Variants in CMC2 observed in about 807,000 individuals in gnomAD.
The protein encoded by CMC2 is C-X9-C motif containing 2.
A neutral mutation model predicts 7.5 loss-of-function variants in CMC2; 5 were observed. The observed-to-expected ratio is 0.66, with a 90% CI of 0.35 to 1.40. The LOEUF is 1.40. Among genes scored for constraint, CMC2 ranks in the 40% most tolerant of loss-of-function variants. CMC2 has a pLI of 0.04. For missense variants in CMC2, 115 were observed against 92.3 expected (o/e 1.25, Z -1.01); for synonymous variants, 37 against 31.4 (o/e 1.18, Z -0.60).
At chr16:80,976,616 G>A (rs983238245) in intron 3 of CMC2, among the ~76,000 whole-genome samples, 3 of 152,156 alleles carry the variant, frequency 2.0e-5, no homozygotes, top group African/African-American at 7.2e-5. Flanking sequence ...TAACTGTTGG[G>A]ACAATTCTAC....
intron 3 of CMC2, 28 bp from the exon 4 acceptor site, chr16:80,976,207 A>G: frequency 8.4e-7 from 1 of 1,192,242 alleles, no homozygotes; most frequent in Non-Finnish European, 1.2e-6. Flanking sequence ...GGGGGGAGAA[A>G]AGAAACAGCA....
In CMC2 at chr16:80,967,239, C is replaced by T. The variant is rs1406586781; in HGVS notation, c.*8854G>A. ...GCTCATAAATTATCTGCTAGCTTAA[C>T]TAAAATTTTAGCAGATAAAGCCATC... On this transcript the variant is annotated 3_prime_UTR_variant, in exon 4 of 4. Coordinates refer to ENST00000219400, the MANE Select transcript of CMC2 (RefSeq NM_020188.5). 4 of 152,224 alleles carry T rather than the reference C, an allele frequency of 2.6e-5. No homozygotes were observed. Among genetic ancestry groups the T allele is most frequent in the Non-Finnish European group, 5.9e-5 (4 of 68,044 alleles). 9.4% of individuals were successfully genotyped at this position (152,224 alleles called of 1,614,324 possible).
At position 80,967,282 on chromosome 16, in the gene CMC2, C is replaced by T. The variant is rs1191433881; in HGVS notation, c.*8811G>A. 1.3e-5 allele frequency: 2 copies of T among 152,222 alleles called. No individual in the cohort carries two copies. Among genetic ancestry groups the T allele is most frequent in the Non-Finnish European group, 2.9e-5 (2 of 68,046 alleles). 9.4% of individuals were successfully genotyped at this position (152,222 alleles called of 1,614,324 possible). A position where few individuals can be genotyped will look rare whatever the true frequency, so the allele number is the denominator to read the frequency against. ...AAGCCATCACAGCAACTTGAACTATCCCTAGAGAATTTTCCTTTAATTGTA... is the reference window on the plus strand; with the variant it reads ...AAGCCATCACAGCAACTTGAACTATTCCTAGAGAATTTTCCTTTAATTGTA... On this transcript the variant is annotated 3_prime_UTR_variant, in exon 4 of 4. Coordinates refer to ENST00000219400, the MANE Select transcript of CMC2 (RefSeq NM_020188.5).
rs370096810 is a variant in CMC2 at position 80,976,197 on chromosome 16, G to C, written c.154-18C>G. 112 of 1,412,984 alleles carry C rather than the reference G, an allele frequency of 7.9e-5. No individual in the cohort carries two copies. Among genetic ancestry groups the C allele is most frequent in the South Asian group, 5.4e-4 (45 of 82,938 alleles). 87.5% of individuals were successfully genotyped at this position (1,412,984 alleles called of 1,614,324 possible). On this transcript the variant is annotated intron_variant, in intron 3 of 3. Transcript: ENST00000219400. The stretch of plus-strand genomic sequence containing the variant: ...TCTACGTACTGAAAAATAAAAGAAG[G>C]GGGGGAGAAAAGAAACAGCAGATTA...
At chr16:80,998,143 G>A (rs1266667137) in intron 1 of CMC2, 1 of 135,400 alleles carries the variant, frequency 7.4e-6, no homozygotes, top group Non-Finnish European at 1.5e-5. Flanking sequence ...GTCTTGCTAT[G>A]TTGCCCAGGC....
At chr16:80,995,734 A>C (rs1968365000) in intron 2 of CMC2, among the ~76,000 whole-genome samples, 1 of 152,118 alleles carries the variant, frequency 6.6e-6, no homozygotes. Flanking sequence ...TATCAACAAA[A>C]AGTAGTGCAG....
At chr16:80,992,014 T>C (rs1968035343) in intron 2 of CMC2, 4 of 442,930 alleles carry the variant, frequency 9.0e-6, no homozygotes, top group East Asian at 1.4e-4. Context: ...TGAGTAAGCA[T>C]GGACTTTAAA....
chr16:80,976,158 T>A lies in CMC2; in HGVS notation c.175A>T (p.Ser59Cys). ...CGCATTGCAATGCCATGCTCCCTGC[T>A]CTTGGTCCTGTTTTCTACGTACTGA... Reference protein sequence around the residue: ...KNEYVENRTKSREHGIAMRKK... With the variant: ...KNEYVENRTKCREHGIAMRKK... Residue 59 changes from serine (S) to cysteine (C), a missense_variant, in exon 4 of 4, where the codon AGC (serine) becomes TGC (cysteine). Ser to Cys is a moderately radical substitution (Grantham distance 112). Transcript: ENST00000219400. The A allele has an allele frequency of 1.2e-6, 2 of 1,604,788 alleles. No individual in the cohort carries two copies. The highest frequency in any genetic ancestry group is 3.4e-5 in the Admixed American group (2 of 59,382).
intron 2 of CMC2, chr16:80,982,518 A>G (rs1251866496): frequency 2.0e-5 from 3 of 149,008 alleles, no homozygotes; most frequent in African/African-American, 7.4e-5. Context: ...TCTCAGGAAA[A>G]AAAAAAAAAA....
chr16:80,988,733 G>T (rs1351841054), intron 2 of CMC2: 1 of 527,458 alleles, frequency 1.9e-6, no homozygotes, highest in Non-Finnish European at 3.3e-6. Flanking sequence ...CATGCAAAAG[G>T]CAAAAAAAGT....
At position 80,980,779 on chromosome 16, in the gene CMC2, T is replaced by C. The variant is rs3177094; in HGVS notation, c.153+1027A>G. 44 of 696,238 alleles carry C rather than the reference T, an allele frequency of 6.3e-5. No individual in the cohort carries two copies. In the African/African-American group the frequency reaches 7.2e-4, roughly 11 times the overall value. The allele number at this position is 696,238 out of a possible 1,614,324, so 43.1% of individuals were successfully genotyped here. A position where few individuals can be genotyped will look rare whatever the true frequency, so the allele number is the denominator to read the frequency against. The stretch of plus-strand genomic sequence containing the variant: ...GCATGGTGGTACGCACCTGTCGTCC[T>C]AGCTACTCAGGAGGCTGAGGTGGGA... On this transcript the variant is annotated intron_variant, in intron 3 of 3. Transcript: ENST00000219400.
chr16:80,988,088 G>T (rs551445399), intron 2 of CMC2, among the ~76,000 whole-genome samples: 20 of 152,234 alleles, frequency 1.3e-4, no homozygotes, highest in African/African-American at 4.6e-4. Context: ...GGAGGATGAG[G>T]CAGAAGGATC....
chr16:80,988,004 G>A (rs367817407), intron 2 of CMC2, among the ~76,000 whole-genome samples: 1 of 151,114 alleles, frequency 6.6e-6, no homozygotes, highest in Non-Finnish European at 1.5e-5. Flanking sequence ...AGGAGAGCCT[G>A]TCTCTAGGAG....
At chr16:81,004,328 C>T (rs1051098379) in intron 1 of CMC2, among the ~76,000 whole-genome samples, 3 of 152,176 alleles carry the variant, frequency 2.0e-5, no homozygotes, top group African/African-American at 7.2e-5. Context: ...GGATAAATTC[C>T]ATTCAAACTG....
In CMC2 at chr16:80,994,056, AATTGATTTTTGAC is replaced by A. The variant is rs545558202; in HGVS notation, c.81+3245_81+3257del. On this transcript the variant is annotated intron_variant, in intron 2 of 3. Coordinates refer to ENST00000219400, the MANE Select transcript of CMC2 (RefSeq NM_020188.5). Reference sequence around the variant, plus strand: ...GAAATAGACCCACTCACATATGGTAAATTGATTTTTGACAAAGGGACCATGGTAAATCAGCAGG... The same window carrying A: ...GAAATAGACCCACTCACATATGGTAAAAAGGGACCATGGTAAATCAGCAGG... Among the ~76,000 whole-genome samples the A allele has an allele frequency of 2.9e-3, 445 of 152,294 alleles. 4 individuals are homozygous for A. The highest frequency in any genetic ancestry group is 0.01 in the African/African-American group (425 of 41,574).
intron 2 of CMC2, among the ~76,000 whole-genome samples, chr16:80,984,250 G>A (rs942853477): frequency 6.6e-6 from 1 of 152,198 alleles, no homozygotes; most frequent in African/African-American, 2.4e-5. Context: ...CGATTTTCAA[G>A]GGTGGGTCAG....
rs952217008 is a variant in CMC2 at position 80,969,165 on chromosome 16, G to A, written c.*6928C>T. The A allele has an allele frequency of 2.6e-5, 4 of 152,184 alleles. No homozygotes were observed. The highest frequency in any genetic ancestry group is 9.7e-5 in the African/African-American group (4 of 41,424). The allele number at this position is 152,184 out of a possible 1,614,324, so 9.4% of individuals were successfully genotyped here. ...ACTATCTTTTTTATGATATAAAAAG[G>A]GCAGGAGGAGAGACAGTATTTACAA... is the stretch of plus-strand genomic sequence containing the variant. On this transcript the variant is annotated 3_prime_UTR_variant, in exon 4 of 4. Coordinates refer to ENST00000219400, the MANE Select transcript of CMC2 (RefSeq NM_020188.5).
At chr16:80,984,813 C>T (rs894372036) in intron 2 of CMC2, among the ~76,000 whole-genome samples, 3 of 152,178 alleles carry the variant, frequency 2.0e-5, no homozygotes, top group Admixed American at 6.5e-5. Context: ...TATATGCTTC[C>T]TTTTACCTCA....
chr16:80,980,696 C>G (rs1434670047), intron 3 of CMC2: 1 of 560,998 alleles, frequency 1.8e-6, no homozygotes, highest in Non-Finnish European at 3.2e-6. Flanking sequence ...TTGAGACCAG[C>G]CTGGCCAAAA....
Sources: gnomAD v4.1 joint callset for allele counts (sites outside exome capture counted in the v4.1 genomes callset) on GRCh38, gnomAD v4.1.1 for gene constraint, MANE v1.5 for transcripts, NCBI Gene and HGNC (gene_info 2026-07-23, HGNC 2026-07-21) for gene names.